The following SYBU variants were observed in gnomAD, a reference collection of about 807,000 sequenced individuals.
SYBU encodes GOLSYN A protein.
In SYBU, 21 loss-of-function variants were observed where a neutral mutation model predicts 35.9. That is an observed-to-expected ratio of 0.58 (90% CI 0.41 to 0.84). The LOEUF (loss-of-function observed/expected upper bound fraction) is 0.84, where lower values mean the gene tolerates loss of function less well. SYBU is among the 40% of genes least tolerant of loss of function. The pLI, the probability that SYBU is intolerant of heterozygous loss-of-function variation, is 0.00. For missense variants in SYBU, 768 were observed against 848.2 expected, an observed-to-expected ratio of 0.91 and a Z score of 1.17; for synonymous variants, 319 against 324.3, an observed-to-expected ratio of 0.98 and a Z score of 0.18.
intron 3 of SYBU, among the ~76,000 whole-genome samples, chr8:109,590,574 A>T (rs1824106225): frequency 6.6e-6 from 1 of 152,140 alleles, no homozygotes; most frequent in South Asian, 2.1e-4. Context: ...ATAAACAGCT[A>T]AACACAAAAG....
In SYBU at chr8:109,691,289, C is replaced by T. The variant is rs1231049201; in HGVS notation, c.-58+44G>A. ...AGACCATCAGTTGCCCTCCCGTGTC[C>T]GCGGGCACTGACAGCAGAGACCGCA... On this transcript the variant is annotated intron_variant, in intron 1 of 7. Transcript: ENST00000422135. The surrounding 1 kb of genome is among the most constrained non-coding windows in gnomAD (Gnocchi z 4.7). 4.3e-6 allele frequency: 3 copies of T among 698,076 alleles called. No homozygotes were observed. Among genetic ancestry groups the T allele is most frequent in the Admixed American group, 2.0e-5 (1 of 49,490 alleles). 43.2% of individuals were successfully genotyped at this position (698,076 alleles called of 1,614,324 possible). A position where few individuals can be genotyped will look rare whatever the true frequency, so the allele number is the denominator to read the frequency against.
At chr8:109,652,659 T>G (rs1463462079) in intron 1 of SYBU, among the ~76,000 whole-genome samples, 1 of 152,188 alleles carries the variant, frequency 6.6e-6, no homozygotes, top group Non-Finnish European at 1.5e-5. Context: ...TTTTGACAGG[T>G]AAAGTCTCTT....
intron 6 of SYBU, 149 bp downstream of exon 6, chr8:109,577,719 G>T (rs571335955): frequency 6.1e-6 from 5 of 817,834 alleles, no homozygotes; most frequent in East Asian, 2.7e-5. Flanking sequence ...GTTATGAAAT[G>T]ACTCTTTTCA....
intron 2 of SYBU, among the ~76,000 whole-genome samples, chr8:109,633,366 G>C (rs1233757499): frequency 6.6e-6 from 1 of 152,174 alleles, no homozygotes; most frequent in African/African-American, 2.4e-5. Context: ...CACTGAGCAG[G>C]GAAAAGTTGA....
chr8:109,665,835 A>G (rs1456362065), intron 1 of SYBU, among the ~76,000 whole-genome samples: 1 of 152,228 alleles, frequency 6.6e-6, no homozygotes, highest in East Asian at 1.9e-4. Context: ...TAACAAGTGA[A>G]GATTTCATGT....
chr8:109,590,077 T>C (rs111237067), intron 3 of SYBU, among the ~76,000 whole-genome samples: 1 of 151,658 alleles, frequency 6.6e-6, no homozygotes, highest in Non-Finnish European at 1.5e-5. Context: ...AAAATACACA[T>C]ATTTTTAAAT....
intron 1 of SYBU, among the ~76,000 whole-genome samples, chr8:109,650,750 A>G (rs1268517870): frequency 6.6e-6 from 1 of 152,212 alleles, no homozygotes; most frequent in Admixed American, 6.5e-5. Flanking sequence ...TCATCTGCCC[A>G]TGTGTCCTTT....
chr8:109,587,205 A>G (rs1013976044), intron 3 of SYBU, among the ~76,000 whole-genome samples: 1 of 152,208 alleles, frequency 6.6e-6, no homozygotes, highest in Non-Finnish European at 1.5e-5. Context: ...TCTGAGCTAA[A>G]GAAAATATGA....
chr8:109,684,921 G>A (rs1817485552), upstream of SYBU, among the ~76,000 whole-genome samples: 1 of 152,136 alleles, frequency 6.6e-6, no homozygotes, highest in Non-Finnish European at 1.5e-5. Flanking sequence ...AGAAAAGCAA[G>A]GTTGCCTAGG....
intron 1 of SYBU, among the ~76,000 whole-genome samples, chr8:109,678,643 G>A (rs953506118): frequency 1.3e-5 from 2 of 151,860 alleles, no homozygotes; most frequent in African/African-American, 4.8e-5. Context: ...GTTTCACCAT[G>A]TTGGCCAGGA....
intron 1 of SYBU, among the ~76,000 whole-genome samples, chr8:109,688,240 G>A (rs977607775): frequency 6.6e-6 from 1 of 152,172 alleles, no homozygotes; most frequent in African/African-American, 2.4e-5. Context: ...AAAACAATGT[G>A]TTAATTTAAG....
chr8:109,599,639 C>A (rs759865448), intron 3 of SYBU, among the ~76,000 whole-genome samples: 2 of 152,214 alleles, frequency 1.3e-5, no homozygotes, highest in Non-Finnish European at 2.9e-5. Flanking sequence ...ATCATCATTT[C>A]TCACCCAGAA....
chr8:109,577,807 ATTTCATTTTATGGAGAAAG>A lies in SYBU; in HGVS notation c.884+42_884+60del, dbSNP rs1822519280. Reference sequence around the variant, plus strand: ...CTATCTTTCTATAGTTTGGGTTCATATTTCATTTTATGGAGAAAGAAGTTGTCCTACACCCCACCGTTCA... The same window carrying A: ...CTATCTTTCTATAGTTTGGGTTCATAAAGTTGTCCTACACCCCACCGTTCA... On this transcript the variant is annotated intron_variant, in intron 6 of 6. Coordinates refer to ENST00000276646, the MANE Select transcript of SYBU (RefSeq NM_001099754.2). 4 of 1,481,824 alleles carry A rather than the reference ATTTCATTTTATGGAGAAAG, an allele frequency of 2.7e-6. No homozygotes were observed. In the South Asian group the frequency reaches 4.1e-5, roughly 15 times the overall value. The allele number at this position is 1,481,824 out of a possible 1,614,324, so 91.8% of individuals were successfully genotyped here.
intron 3 of SYBU, among the ~76,000 whole-genome samples, chr8:109,613,377 C>T (rs1353089791): frequency 1.3e-5 from 2 of 152,178 alleles, no homozygotes; most frequent in Non-Finnish European, 2.9e-5. Context: ...ATTAATTTCA[C>T]CTATTTCATA....
chr8:109,673,122 G>A (rs1817050548), intron 1 of SYBU, among the ~76,000 whole-genome samples: 1 of 152,208 alleles, frequency 6.6e-6, no homozygotes, highest in Admixed American at 6.5e-5. Flanking sequence ...AGACTTAAAC[G>A]TTCCTGCCTG....
At chr8:109,639,373 G>A (rs966340543) in intron 2 of SYBU, among the ~76,000 whole-genome samples, 16 of 152,072 alleles carry the variant, frequency 1.1e-4, no homozygotes, top group South Asian at 6.2e-4. Flanking sequence ...AACATATGAC[G>A]CTTTTCATAA....
At chr8:109,590,735 TCTC>T (rs1824131836) in intron 3 of SYBU, among the ~76,000 whole-genome samples, 1 of 147,052 alleles carries the variant, frequency 6.8e-6, no homozygotes, top group African/African-American at 2.6e-5. Flanking sequence ...AAAAGGTTAA[TCTC>T]CTTAATTTAC....
chr8:109,593,428 T>G (rs1464067216), intron 3 of SYBU, among the ~76,000 whole-genome samples: 2 of 151,932 alleles, frequency 1.3e-5, no homozygotes, highest in African/African-American at 2.4e-5. Context: ...TTGCCTGGAG[T>G]GAATACATTA....
chr8:109,676,744 G>C (rs1337902952), intron 1 of SYBU, among the ~76,000 whole-genome samples: 1 of 152,188 alleles, frequency 6.6e-6, no homozygotes, highest in Non-Finnish European at 1.5e-5. Context: ...TTTCTGGATT[G>C]AGATTCAGAG....
Sources: gnomAD v4.1 joint callset for allele counts (sites outside exome capture counted in the v4.1 genomes callset) on GRCh38, gnomAD v4.1.1 for gene constraint, Gnocchi (gnomAD v3.1) non-coding constraint, MANE v1.5 for transcripts, NCBI Gene and HGNC (gene_info 2026-07-23, HGNC 2026-07-21) for gene names.